Variants in EPB41L1 observed in about 807,000 individuals in gnomAD.
The protein encoded by EPB41L1 is erythrocyte membrane protein band 4.1 like 1, also known as band 4.1-like protein 1.
In EPB41L1, 29 loss-of-function variants were observed where a neutral mutation model predicts 97.8. The ratio of observed to expected loss-of-function variants is 0.30; its 90% confidence interval spans 0.22 to 0.40. The LOEUF (loss-of-function observed/expected upper bound fraction) is 0.40, where lower values mean the gene tolerates loss of function less well. Among genes scored for constraint, EPB41L1 ranks in the 10% least tolerant of loss-of-function variants. The pLI, the probability that EPB41L1 is intolerant of heterozygous loss-of-function variation, is 1.00. For missense variants in EPB41L1, 812 were observed against 1,162.3 expected, an observed-to-expected ratio of 0.70 and a Z score of 4.38; for synonymous variants, 383 against 459.2, an observed-to-expected ratio of 0.83 and a Z score of 2.12.
chr20:36,219,802 T>C lies in EPB41L1; in HGVS notation c.2397T>C (p.Thr799=), dbSNP rs1157959480. 2 of 1,614,002 alleles carry C rather than the reference T, an allele frequency of 1.2e-6. No homozygotes were observed. Among genetic ancestry groups the C allele is most frequent in the Non-Finnish European group, 8.5e-7 (1 of 1,180,004 alleles). The change falls in exon 19 of 22, where the codon ACT becomes ACC. Residue 799 remains threonine (T), a synonymous_variant. Coordinates refer to ENST00000338074, the MANE Select transcript of EPB41L1 (RefSeq NM_012156.2). ...TCCTCACCAGCACCTACGGCGCCACTGCGGAAACCCTCTCAACCTCCACCA... is the reference window on the plus strand; with the variant it reads ...TCCTCACCAGCACCTACGGCGCCACCGCGGAAACCCTCTCAACCTCCACCA... ...KDVLTSTYGA[T]AETLSTSTTT... is the part of the protein sequence containing the mutation.
chr20:36,127,609 C>T (rs1336868459), intron 2 of EPB41L1, among the ~76,000 whole-genome samples: 1 of 152,172 alleles, frequency 6.6e-6, no homozygotes, highest in African/African-American at 2.4e-5. Context: ...AAACTGTATA[C>T]CAATCCTGAC....
chr20:36,125,457 G>T (rs866342602), intron 2 of EPB41L1: 8 of 994,312 alleles, frequency 8.0e-6, no homozygotes, highest in Non-Finnish European at 1.2e-5. Context: ...GTTTTCTTGG[G>T]GAGGATCAAT....
chr20:36,204,934 C>T (rs989340169), intron 14 of EPB41L1, among the ~76,000 whole-genome samples: 3 of 152,368 alleles, frequency 2.0e-5, no homozygotes, highest in Admixed American at 6.5e-5. Context: ...AGCCACCGCG[C>T]TTGGCCTCTG....
upstream of EPB41L1, chr20:36,150,670 T>C (rs909158556): frequency 6.6e-6 from 1 of 152,214 alleles, no homozygotes; most frequent in African/African-American, 2.4e-5. Context: ...ATAATTTCAG[T>C]GCCAGAGAAT....
intron 1 of EPB41L1, among the ~76,000 whole-genome samples, chr20:36,102,360 C>T (rs1411699956): frequency 6.6e-6 from 1 of 152,212 alleles, no homozygotes; most frequent in Non-Finnish European, 1.5e-5. Context: ...CTGCTGTCTT[C>T]AGGGTTGTTT....
In EPB41L1 at chr20:36,198,060, CCCT is replaced by C; in HGVS notation, c.1668+21_1668+23del. 2 of 1,610,736 alleles carry C rather than the reference CCCT, an allele frequency of 1.2e-6. No homozygotes were observed. The highest frequency in any genetic ancestry group is 1.7e-6 in the Non-Finnish European group (2 of 1,178,128). ...CAATGAGGTAGGTGTCGCCCTGAAC[CCCT>C]CGATAGGGGCCTTGGGTAAAGAGAC... On this transcript the variant is annotated intron_variant, in intron 14 of 21. Transcript: ENST00000338074.
intron 21 of EPB41L1, among the ~76,000 whole-genome samples, chr20:36,222,630 G>C (rs2147109190): frequency 6.6e-6 from 1 of 152,292 alleles, no homozygotes; most frequent in South Asian, 2.1e-4. Flanking sequence ...TCAGGCTCCA[G>C]ATCCAGAAAA....
chr20:36,210,299 T>C (rs1437986863), intron 15 of EPB41L1, among the ~76,000 whole-genome samples: 1 of 151,926 alleles, frequency 6.6e-6, no homozygotes, highest in Non-Finnish European at 1.5e-5. Flanking sequence ...CTCTCTGGGG[T>C]CTGGGCTTCC....
In EPB41L1 at chr20:36,206,240, G is replaced by A. The variant is rs777565987; in HGVS notation, c.1669-3248G>A. On this transcript the variant is annotated intron_variant, in intron 14 of 21. Transcript: ENST00000338074. The surrounding 1 kb of genome is among the most constrained non-coding windows in gnomAD (Gnocchi z 5.5). Reference sequence around the variant, plus strand: ...ACCAGAGAGGCAACCATCAGGAACCGCTGCATGTCAGATGGTCAGCCGGAG... The same window carrying A: ...ACCAGAGAGGCAACCATCAGGAACCACTGCATGTCAGATGGTCAGCCGGAG... 2.4e-5 allele frequency: 31 copies of A among 1,289,794 alleles called. No individual in the cohort carries two copies. The highest frequency in any genetic ancestry group is 2.9e-5 in the Non-Finnish European group (29 of 988,910). The allele number at this position is 1,289,794 out of a possible 1,614,324, so 79.9% of individuals were successfully genotyped here. A position where few individuals can be genotyped will look rare whatever the true frequency, so the allele number is the denominator to read the frequency against.
At chr20:36,124,846 G>A (rs1267792790) in intron 2 of EPB41L1, among the ~76,000 whole-genome samples, 2 of 152,146 alleles carry the variant, frequency 1.3e-5, no homozygotes, top group African/African-American at 2.4e-5. Context: ...GCTCTTAGGA[G>A]GTGCTCAATA....
chr20:36,153,131 G>A (rs1041898708), upstream of EPB41L1: 1 of 456,538 alleles, frequency 2.2e-6, no homozygotes, highest in Admixed American at 2.3e-5. Flanking sequence ...CTTGCTTTGG[G>A]CATGGTACAA....
At chr20:36,139,572 A>G (rs2059555724) in intron 2 of EPB41L1, among the ~76,000 whole-genome samples, 1 of 152,116 alleles carries the variant, frequency 6.6e-6, no homozygotes, top group Admixed American at 6.5e-5. Flanking sequence ...AGAAGTTTAA[A>G]TTTTTCCTCA....
At chr20:36,218,157 A>AT (rs1259299806) in intron 17 of EPB41L1, among the ~76,000 whole-genome samples, 1 of 152,190 alleles carries the variant, frequency 6.6e-6, no homozygotes, top group Non-Finnish European at 1.5e-5. Context: ...GTCAGACAAC[A>AT]TGGAGTTAAG....
At position 36,178,690 on chromosome 20, in the gene EPB41L1, T is replaced by G. The variant is rs778300832; in HGVS notation, c.490+18T>G. The G allele has an allele frequency of 1.3e-5, 21 of 1,613,530 alleles. No individual in the cohort carries two copies. In the African/African-American group the frequency reaches 2.5e-4, roughly 20 times the overall value. ...GATCCGGAGTGAGTGGCTTGTTGTG[T>G]TTGGGGAGGTGGGTGGGTGAGGGGA... On this transcript the variant is annotated intron_variant, in intron 5 of 21. Transcript: ENST00000338074.
chr20:36,224,932 G>A (rs982475490), intron 21 of EPB41L1, among the ~76,000 whole-genome samples: 54 of 152,058 alleles, frequency 3.6e-4, no homozygotes, highest in Admixed American at 3.0e-3. Flanking sequence ...AGTGATTCTC[G>A]TGCCTCAGCC....
intron 6 of EPB41L1, among the ~76,000 whole-genome samples, chr20:36,183,177 T>C (rs2146156372): frequency 6.6e-6 from 1 of 152,324 alleles, no homozygotes; most frequent in African/African-American, 2.4e-5. Flanking sequence ...ATCCTGGGGC[T>C]GTGTCATCCA....
chr20:36,187,617 C>A, intron 7 of EPB41L1, 59 bp from the exon 8 acceptor site: 1 of 1,416,036 alleles, frequency 7.1e-7, no homozygotes, highest in Non-Finnish European at 9.9e-7. Flanking sequence ...CACCTTTGGA[C>A]AGCAGGACTA....
At chr20:36,168,998 C>T (rs754488335) in intron 1 of EPB41L1, among the ~76,000 whole-genome samples, 3 of 150,860 alleles carry the variant, frequency 2.0e-5, no homozygotes, top group African/African-American at 7.3e-5. Flanking sequence ...GAGGCCAAGG[C>T]GGGTGGATCA....
At chr20:36,121,040 A>G (rs759913840) in intron 2 of EPB41L1, among the ~76,000 whole-genome samples, 8 of 150,942 alleles carry the variant, frequency 5.3e-5, no homozygotes, top group Non-Finnish European at 8.8e-5. Context: ...ACCTTGTTAC[A>G]ATGTACAATG....
Sources: allele counts gnomAD v4.1 joint callset (sites outside exome capture counted in the v4.1 genomes callset), GRCh38; gene constraint gnomAD v4.1.1; non-coding constraint Gnocchi (gnomAD v3.1); transcripts MANE v1.5; gene names NCBI Gene and HGNC (gene_info 2026-07-23, HGNC 2026-07-21).